Variants in GATM observed in about 807,000 individuals in gnomAD.
GATM encodes glycine amidinotransferase.
A neutral mutation model predicts 54.2 loss-of-function variants in GATM; 23 were observed. The observed-to-expected ratio is 0.42, with a 90% CI of 0.31 to 0.60. The LOEUF (loss-of-function observed/expected upper bound fraction) is 0.60, where lower values mean the gene tolerates loss of function less well. GATM is among the 20% of genes least tolerant of loss of function. The pLI is 0.14. For missense variants in GATM, 401 were observed against 544.9 expected (o/e 0.74, Z 2.63); for synonymous variants, 168 against 183.1 (o/e 0.92, Z 0.67).
intron 7 of GATM, chr15:45,364,579 T>A (rs968895214): frequency 1.3e-5 from 7 of 549,954 alleles, no homozygotes; most frequent in Non-Finnish European, 2.0e-5. Context: ...GATGTTGTTT[T>A]ATTCTGTCTT....
upstream of GATM, among the ~76,000 whole-genome samples, chr15:45,383,386 A>G (rs1216209008): frequency 6.6e-6 from 1 of 152,248 alleles, no homozygotes; most frequent in African/African-American, 2.4e-5. Context: ...AGTATTTAAA[A>G]TAATCTCAGC....
intron 3 of GATM, among the ~76,000 whole-genome samples, chr15:45,384,006 A>G (rs948849195): frequency 1.3e-5 from 2 of 152,228 alleles, no homozygotes; most frequent in Admixed American, 6.5e-5. Context: ...CGAGCCCTAC[A>G]GGATTAAACA....
upstream of GATM, among the ~76,000 whole-genome samples, chr15:45,381,187 T>C (rs985470050): frequency 6.6e-6 from 1 of 152,184 alleles, no homozygotes; most frequent in Non-Finnish European, 1.5e-5. Context: ...TGGCAGTAGA[T>C]ACCATTAAAT....
Position 45,368,786 on chromosome 15 carries a change from A to C in GATM, c.485-526T>G, listed in dbSNP as rs2060366349. Among the ~76,000 whole-genome samples, 1 of 151,900 alleles carries C rather than the reference A, an allele frequency of 6.6e-6. No individual in the cohort carries two copies. Among genetic ancestry groups the C allele is most frequent in the South Asian group, 2.1e-4 (1 of 4,798 alleles). ...GGAAGCCCAGAAAAAAAAGAAAAGA[A>C]AAAAAAGTGAAGGAATAAAGTCCTT... is the stretch of plus-strand genomic sequence containing the variant. On this transcript the variant is annotated intron_variant, in intron 3 of 8. Transcript: ENST00000396659. This position sits in a 1 kb window ranked among gnomAD's most constrained non-coding sequence, Gnocchi z 5.1.
At chr15:45,378,576 A>G (rs1387289259), upstream of GATM, 2 of 692,426 alleles carry the variant, frequency 2.9e-6, no homozygotes, top group East Asian at 3.6e-5. Flanking sequence ...GGCCTTTTGT[A>G]GCCGCGCTCC....
chr15:45,395,122 G>A lies in GATM; in HGVS notation c.-319+1800C>T, dbSNP rs1005439482. On this transcript the variant is annotated intron_variant, in intron 3 of 4. Coordinates refer to the GATM transcript ENST00000561148. ...GATGGGGTGTAGCAAAGCACTAGAG[G>A]AAACTTTGATGAAATGGATACCTGA... 4.4e-4 allele frequency among the ~76,000 whole-genome samples: 67 copies of A among 152,164 alleles called. 1 individual carries two copies. The highest frequency in any genetic ancestry group is 1.4e-3 in the African/African-American group (58 of 41,436).
At chr15:45,375,218 C>T (rs1207316698) in intron 2 of GATM, among the ~76,000 whole-genome samples, 1 of 152,020 alleles carries the variant, frequency 6.6e-6, no homozygotes, top group Admixed American at 6.6e-5. Flanking sequence ...CTACAGGCAC[C>T]CGCCACCACG....
At chr15:45,362,983 A>G (rs1027745108) in intron 8 of GATM, among the ~76,000 whole-genome samples, 2 of 152,186 alleles carry the variant, frequency 1.3e-5, no homozygotes, top group Non-Finnish European at 1.5e-5. Flanking sequence ...GGCATGAGCC[A>G]TTCAGAAAGA....
chr15:45,389,394 T>C (rs1889842207), intron 3 of GATM, among the ~76,000 whole-genome samples: 1 of 152,238 alleles, frequency 6.6e-6, no homozygotes, highest in South Asian at 2.1e-4. Flanking sequence ...ACAAAATTAA[T>C]GAAGCTATGC....
At chr15:45,393,205 A>G (rs961833826) in intron 3 of GATM, among the ~76,000 whole-genome samples, 1 of 152,334 alleles carries the variant, frequency 6.6e-6, no homozygotes, top group East Asian at 1.9e-4. Context: ...GTAAAATTTT[A>G]AAGCCTTGTC....
intron 3 of GATM, among the ~76,000 whole-genome samples, chr15:45,392,227 G>A (rs1033497598): frequency 6.6e-6 from 1 of 152,182 alleles, no homozygotes; most frequent in East Asian, 1.9e-4. Flanking sequence ...AGGCAAACTT[G>A]GTGACAGAAA....
intron 1 of GATM, among the ~76,000 whole-genome samples, chr15:45,401,264 C>G (rs1212480857): frequency 6.6e-6 from 1 of 152,038 alleles, no homozygotes; most frequent in East Asian, 1.9e-4. Flanking sequence ...CCAGATCTGA[C>G]AGTACTTCCC....
At chr15:45,365,902 C>T in intron 6 of GATM, 144 bp downstream of exon 6, 1 of 758,782 alleles carries the variant, frequency 1.3e-6, no homozygotes, top group Non-Finnish European at 2.3e-6. Flanking sequence ...ATAAGGAATC[C>T]AATGTTTGAT....
chr15:45,376,473 G>T, intron 2 of GATM, 128 bp downstream of exon 2: 1 of 807,078 alleles, frequency 1.2e-6, no homozygotes, highest in Non-Finnish European at 2.2e-6. Flanking sequence ...CCACAGAGGT[G>T]TCAAGTAAGA....
intron 1 of GATM, chr15:45,377,336 A>T: frequency 2.3e-6 from 1 of 428,590 alleles, no homozygotes; most frequent in Admixed American, 2.9e-5. Flanking sequence ...CTTTCAGAAT[A>T]ACCAGCTTCA....
At chr15:45,397,777 A>C (rs1277776217) in intron 2 of GATM, among the ~76,000 whole-genome samples, 1 of 152,206 alleles carries the variant, frequency 6.6e-6, no homozygotes, top group Non-Finnish European at 1.5e-5. Flanking sequence ...TGTGATTGGC[A>C]TCTGAAGGTG....
rs374481998 is a variant in GATM, at chr15:45,368,755, TG to T, written c.485-496del. The stretch of plus-strand genomic sequence containing the variant: ...TAGATTGTTAACATGAATTGTGTGG[TG>T]GGGGGGAAGCCCAGAAAAAAAAGAA... On this transcript the variant is annotated intron_variant, in intron 3 of 8. Coordinates refer to ENST00000396659, the MANE Select transcript of GATM (RefSeq NM_001482.3). This position sits in a 1 kb window ranked among gnomAD's most constrained non-coding sequence, Gnocchi z 5.1. 1.4e-5 allele frequency among the ~76,000 whole-genome samples: 2 copies of T among 146,584 alleles called. No homozygotes were observed. The highest frequency in any genetic ancestry group is 5.1e-5 in the African/African-American group (2 of 39,482).
chr15:45,370,534 T>C (rs935112984), intron 2 of GATM, among the ~76,000 whole-genome samples: 1 of 152,194 alleles, frequency 6.6e-6, no homozygotes, highest in Non-Finnish European at 1.5e-5. Context: ...CCTCTCCTTT[T>C]TCTAATCCAT....
chr15:45,366,513 T>C lies in GATM; in HGVS notation c.676-5A>G, dbSNP rs1889450736. On this transcript the variant is annotated splice_polypyrimidine_tract_variant and splice_region_variant and intron_variant, in intron 4 of 8. Transcript: ENST00000396659. ...TACAGAGTGGATGGGATAATCCTAA[T>C]TGGAACAAGAATGAACACACACAAT... 3 of 1,613,848 alleles carry C rather than the reference T, an allele frequency of 1.9e-6. No homozygotes were observed. The highest frequency in any genetic ancestry group is 1.7e-6 in the Non-Finnish European group (2 of 1,179,966).
Sources: gnomAD v4.1 joint callset for allele counts (sites outside exome capture counted in the v4.1 genomes callset) on GRCh38, gnomAD v4.1.1 for gene constraint, Gnocchi (gnomAD v3.1) non-coding constraint, MANE v1.5 for transcripts, NCBI Gene and HGNC (gene_info 2026-07-23, HGNC 2026-07-21) for gene names.